The following C4orf50 variants were observed in gnomAD, a reference collection of about 807,000 sequenced individuals.
C4orf50 encodes the protein uncharacterized protein C4orf50.
C4orf50 carries 80 observed loss-of-function variants against 77.2 expected under a neutral mutation model. That is an observed-to-expected ratio of 1.04 (90% CI 0.87 to 1.25). The LOEUF (loss-of-function observed/expected upper bound fraction) is 1.25. Ranked by LOEUF, C4orf50 falls within the 50% of genes most tolerant of loss-of-function variation. C4orf50 has a pLI of 0.00. For synonymous variants in C4orf50, 532 were observed against 465.3 expected (o/e 1.14, Z -1.84); for missense variants, 1,257 against 1,152.9 (o/e 1.09, Z -1.31).
At chr4:5,917,406 C>CTTTTTTTTTTTT (rs34928524) in intron 7 of C4orf50, among the ~76,000 whole-genome samples, 1 of 86,404 alleles carries the variant, frequency 1.2e-5, no homozygotes, top group Non-Finnish European at 2.4e-5. Flanking sequence ...TCCTGTATTT[C>CTTTTTTTTTTTT]TTTTTTTTTT....
At chr4:5,933,923 G>A (rs957121346) in intron 7 of C4orf50, among the ~76,000 whole-genome samples, 3 of 152,098 alleles carry the variant, frequency 2.0e-5, no homozygotes, top group African/African-American at 4.8e-5. Context: ...AGGAGAGGAC[G>A]AGACAGGAAG....
chr4:6,012,324 C>A (rs1722525731), intron 23 of C4orf50, among the ~76,000 whole-genome samples: 1 of 152,056 alleles, frequency 6.6e-6, no homozygotes, highest in Non-Finnish European at 1.5e-5. Flanking sequence ...CATTAACAGC[C>A]TGCAGGTGGG....
intron 28 of C4orf50, among the ~76,000 whole-genome samples, chr4:5,984,407 A>C (rs1214500800): frequency 3.3e-5 from 5 of 152,250 alleles, no homozygotes; most frequent in Non-Finnish European, 7.3e-5. Flanking sequence ...AAAACAAAAC[A>C]AAACCAAACC....
chr4:5,974,020 C>T (rs1393809497), intron 30 of C4orf50, among the ~76,000 whole-genome samples, 179 bp from the exon 9 acceptor site: 4 of 152,180 alleles, frequency 2.6e-5, no homozygotes, highest in African/African-American at 7.2e-5. Context: ...AGGCTGCTTT[C>T]GGAGCAGACG....
chr4:5,916,086 G>A lies in C4orf50; in HGVS notation c.*2475-17898C>T, dbSNP rs1429356927. 6.6e-6 allele frequency among the ~76,000 whole-genome samples: 1 copy of A among 152,156 alleles called. No homozygotes were observed. Among genetic ancestry groups the A allele is most frequent in the Non-Finnish European group, 1.5e-5 (1 of 68,018 alleles). On this transcript the variant is annotated intron_variant, in intron 7 of 7. Coordinates refer to the C4orf50 transcript ENST00000324058. This position sits in a 1 kb window ranked among gnomAD's most constrained non-coding sequence, Gnocchi z 4.4. ...GGGATGGGTGTGCAGCTACCACAGGGGCAGAGCTCAGCTCCACACAGTAGT... is the reference window on the plus strand; with the variant it reads ...GGGATGGGTGTGCAGCTACCACAGGAGCAGAGCTCAGCTCCACACAGTAGT...
At chr4:5,911,240 G>T (rs1265324073) in intron 7 of C4orf50, among the ~76,000 whole-genome samples, 3 of 152,070 alleles carry the variant, frequency 2.0e-5, no homozygotes, top group Non-Finnish European at 4.4e-5. Context: ...GAACTTGTGG[G>T]GTTTTCTGGC....
chr4:5,952,162 G>A (rs1718752860), downstream of C4orf50, among the ~76,000 whole-genome samples: 1 of 152,170 alleles, frequency 6.6e-6, no homozygotes, highest in Non-Finnish European at 1.5e-5. This position sits in a 1 kb window ranked among gnomAD's most constrained non-coding sequence, Gnocchi z 4.4. Context: ...ACGAACCAGG[G>A]TCAGGAGTCG....
chr4:5,967,350 G>A, intron 32 of C4orf50, 64 bp downstream of exon 10: 3 of 1,342,068 alleles, frequency 2.2e-6, no homozygotes, highest in Middle Eastern at 3.7e-4. Flanking sequence ...ACCTCTCACA[G>A]CGTCCTGCCG....
chr4:5,961,146 C>T (rs191394400), intron 33 of C4orf50, among the ~76,000 whole-genome samples: 15 of 152,268 alleles, frequency 9.9e-5, no homozygotes, highest in Admixed American at 8.5e-4. Flanking sequence ...AAATGAATGT[C>T]TCTACTAAAA....
chr4:5,950,497 C>T (rs1001014992), intron 7 of C4orf50, among the ~76,000 whole-genome samples: 1 of 152,118 alleles, frequency 6.6e-6, no homozygotes, highest in Admixed American at 6.5e-5. Context: ...TGTCAAGGTT[C>T]GAAATTTTTC....
intron 28 of C4orf50, among the ~76,000 whole-genome samples, chr4:5,985,388 C>T (rs1317106371): frequency 6.6e-6 from 1 of 151,144 alleles, no homozygotes; most frequent in Non-Finnish European, 1.5e-5. Flanking sequence ...TAATATATAA[C>T]AAAAATAAAT....
rs1717031951 is a variant in C4orf50, at chr4:5,916,444, T to C, written c.*2475-18256A>G. The stretch of plus-strand genomic sequence containing the variant: ...CCCCCAGAGCTCAGACCCCAGGCAC[T>C]GGGTTGTTTTCCCTCACATCGCAGC... On this transcript the variant is annotated intron_variant, in intron 7 of 7. Coordinates refer to the C4orf50 transcript ENST00000324058. This position sits in a 1 kb window ranked among gnomAD's most constrained non-coding sequence, Gnocchi z 4.4. Among the ~76,000 whole-genome samples, 1 of 151,936 alleles carries C rather than the reference T, an allele frequency of 6.6e-6. No individual in the cohort carries two copies. The highest frequency in any genetic ancestry group is 6.5e-5 in the Admixed American group (1 of 15,270).
chr4:5,966,510 T>TTA (rs1719575365), intron 32 of C4orf50, among the ~76,000 whole-genome samples: 1 of 145,576 alleles, frequency 6.9e-6, no homozygotes, highest in South Asian at 2.2e-4. Context: ...ATAGCAGAAT[T>TTA]AAAAAAAAAA....
exon 28 of C4orf50, chr4:5,989,768 G>C (rs1721146953): frequency 6.5e-7 from 1 of 1,529,042 alleles, no homozygotes; most frequent in Admixed American, 2.0e-5. Flanking sequence ...GCAAAGAAAA[G>C]CATTTCCTTG....
intron 7 of C4orf50, among the ~76,000 whole-genome samples, chr4:5,915,741 G>A (rs1186648891): frequency 6.6e-6 from 1 of 152,182 alleles, no homozygotes; most frequent in Non-Finnish European, 1.5e-5. Flanking sequence ...ATAAACACGT[G>A]CTCGTTTCAA....
rs571625778 is a variant in C4orf50 at position 6,000,308 on chromosome 4, G to A, written c.964-5832C>T. 2.0e-5 allele frequency among the ~76,000 whole-genome samples: 3 copies of A among 152,220 alleles called. No individual in the cohort carries two copies. The highest frequency in any genetic ancestry group is 2.1e-4 in the South Asian group (1 of 4,808). ...AATTTCCACCAAGACATGAAGAGCC[G>A]CATCTGGCTTTGCAGTTCCTTATCG... On this transcript the variant is annotated intron_variant, in intron 25 of 33. Coordinates refer to ENST00000531445, the Ensembl canonical transcript of C4orf50. This position sits in a 1 kb window ranked among gnomAD's most constrained non-coding sequence, Gnocchi z 6.0.
rs1386851052 is a variant in C4orf50 at position 5,898,853 on chromosome 4, T to G, written c.*2475-665A>C. On this transcript the variant is annotated intron_variant, in intron 7 of 7. Transcript: ENST00000324058. ...TTTCAGAGACAAAAAAAAATGGTGT[T>G]GGAAAAAACTCATTTTTGAGCTATC... 8 of 152,226 alleles carry G rather than the reference T, an allele frequency of 5.3e-5. 1 individual carries two copies. The highest frequency in any genetic ancestry group is 1.2e-4 in the Non-Finnish European group (8 of 68,042). 9.4% of individuals were successfully genotyped at this position (152,226 alleles called of 1,614,324 possible). A position where few individuals can be genotyped will look rare whatever the true frequency, so the allele number is the denominator to read the frequency against.
At chr4:5,976,425 C>T (rs1431550311) in intron 29 of C4orf50, among the ~76,000 whole-genome samples, 1 of 145,372 alleles carries the variant, frequency 6.9e-6, no homozygotes, top group African/African-American at 2.6e-5. Flanking sequence ...CACTGCGCTC[C>T]AGCCTGGGCG....
intron 7 of C4orf50, among the ~76,000 whole-genome samples, chr4:5,937,329 C>A (rs572796751): frequency 2.0e-5 from 3 of 151,818 alleles, no homozygotes; most frequent in Non-Finnish European, 4.4e-5. Context: ...ATTCTCTGTG[C>A]GTGAGGAAGT....
Sources: gnomAD v4.1 joint callset for allele counts (sites outside exome capture counted in the v4.1 genomes callset) on GRCh38, gnomAD v4.1.1 for gene constraint, Gnocchi (gnomAD v3.1) non-coding constraint, MANE v1.5 for transcripts, NCBI Gene and HGNC (gene_info 2026-07-23, HGNC 2026-07-21) for gene names.